The following GATAD2A variants were observed in gnomAD, a reference collection of about 807,000 sequenced individuals.
GATAD2A encodes the protein GATA zinc finger domain containing 2A.
GATAD2A carries 12 observed loss-of-function variants against 68.5 expected under a neutral mutation model. The observed-to-expected ratio is 0.18, with a 90% confidence interval of 0.11 to 0.28. The LOEUF (loss-of-function observed/expected upper bound fraction) is 0.28. Among genes scored for constraint, GATAD2A ranks in the 10% least tolerant of loss-of-function variants. GATAD2A has a pLI of 1.00. For synonymous variants in GATAD2A, 410 were observed against 375.3 expected, an observed-to-expected ratio of 1.09 and a Z score of -1.07; for missense variants, 755 against 868.5, an observed-to-expected ratio of 0.87 and a Z score of 1.64.
intron 1 of GATAD2A, among the ~76,000 whole-genome samples, chr19:19,448,339 C>T (rs1216861106): frequency 6.6e-6 from 1 of 152,250 alleles, no homozygotes; most frequent in African/African-American, 2.4e-5. Flanking sequence ...TGGGCACAGG[C>T]CCTGGCCAAC....
At chr19:19,395,743 A>G (rs1442367003) in intron 1 of GATAD2A, among the ~76,000 whole-genome samples, 2 of 152,172 alleles carry the variant, frequency 1.3e-5, no homozygotes, top group Non-Finnish European at 2.9e-5. Flanking sequence ...GTGTTCTTGA[A>G]GAATCGTTTG....
chr19:19,415,093 TC>T (rs1185035522), intron 1 of GATAD2A, among the ~76,000 whole-genome samples: 1 of 42,958 alleles, frequency 2.3e-5, no homozygotes, highest in Admixed American at 3.3e-4. Context: ...CCCGCCCCCC[TC>T]CCCCCAAAAA....
At chr19:19,398,629 G>A (rs940713311) in intron 1 of GATAD2A, among the ~76,000 whole-genome samples, 2 of 151,280 alleles carry the variant, frequency 1.3e-5, no homozygotes, top group Non-Finnish European at 2.9e-5. Context: ...CACTGTGCCC[G>A]GCCTAGAACA....
In GATAD2A at chr19:19,506,343, G is replaced by GC. The variant is rs1377850054; in HGVS notation, c.*870dup. The stretch of plus-strand genomic sequence containing the variant: ...AGGATCCGGTCGGCAGCAGCCCTGA[G>GC]CAGAAAGCTGGAGGGGGGACTGTCG... On this transcript the variant is annotated 3_prime_UTR_variant, in exon 12 of 12. Transcript: ENST00000683918. 1 of 397,124 alleles carries GC rather than the reference G, an allele frequency of 2.5e-6. No homozygotes were observed. Among genetic ancestry groups the GC allele is most frequent in the Non-Finnish European group, 4.4e-6 (1 of 225,492 alleles). The allele number at this position is 397,124 out of a possible 1,614,324, so 24.6% of individuals were successfully genotyped here.
Position 19,465,896 on chromosome 19 carries a change from C to T in GATAD2A, c.269+282C>T, listed in dbSNP as rs78621165. On this transcript the variant is annotated intron_variant, in intron 2 of 11. Transcript: ENST00000683918. ...GCCATCAGTAGGCCTTTGCCACCCACGCACCTGCTGTCTGTCCAACTCGGT... is the reference window on the plus strand; with the variant it reads ...GCCATCAGTAGGCCTTTGCCACCCATGCACCTGCTGTCTGTCCAACTCGGT... 6.0e-3 allele frequency among the ~76,000 whole-genome samples: 919 copies of T among 152,358 alleles called. 8 individuals are homozygous for T. The highest frequency in any genetic ancestry group is 0.021 in the African/African-American group (880 of 41,574).
chr19:19,504,904 C>CA (rs943150920), intron 11 of GATAD2A, among the ~76,000 whole-genome samples: 31 of 152,274 alleles, frequency 2.0e-4, no homozygotes, highest in Non-Finnish European at 4.3e-4. Context: ...CCCAGCCTCT[C>CA]AAAGTGCTGG....
intron 1 of GATAD2A, among the ~76,000 whole-genome samples, chr19:19,408,527 G>A (rs755911197): frequency 1.2e-4 from 18 of 151,754 alleles, no homozygotes; most frequent in Non-Finnish European, 2.2e-4. Context: ...TCTGTATTTT[G>A]CGTGTGTGTG....
chr19:19,397,116 G>A (rs555440218), intron 1 of GATAD2A, among the ~76,000 whole-genome samples: 1 of 152,232 alleles, frequency 6.6e-6, no homozygotes, highest in Non-Finnish European at 1.5e-5. Flanking sequence ...AGGAGGTTAT[G>A]CTCTTCTAAA....
At chr19:19,407,827 G>C (rs1044991681) in intron 1 of GATAD2A, among the ~76,000 whole-genome samples, 2 of 152,182 alleles carry the variant, frequency 1.3e-5, no homozygotes, top group African/African-American at 4.8e-5. Flanking sequence ...ACAGTTTATA[G>C]GATGTGGGAA....
intron 2 of GATAD2A, among the ~76,000 whole-genome samples, chr19:19,468,965 AAT>A (rs2058069560): frequency 6.6e-6 from 1 of 152,246 alleles, no homozygotes; most frequent in African/African-American, 2.4e-5. Flanking sequence ...CCACAGATAA[AAT>A]ATATGTCATA....
chr19:19,500,091 A>C (rs1000672763), intron 8 of GATAD2A, among the ~76,000 whole-genome samples: 1 of 152,192 alleles, frequency 6.6e-6, no homozygotes, highest in East Asian at 1.9e-4. Flanking sequence ...TTCCCTCATC[A>C]GGGCTCAGTC....
intron 1 of GATAD2A, among the ~76,000 whole-genome samples, chr19:19,455,883 G>C (rs1332191631): frequency 2.0e-5 from 3 of 152,190 alleles, no homozygotes; most frequent in Non-Finnish European, 4.4e-5. Flanking sequence ...AGGCGTGGTG[G>C]CTTACGCCTG....
chr19:19,487,005 G>T (rs2059483802), intron 2 of GATAD2A, among the ~76,000 whole-genome samples: 2 of 152,216 alleles, frequency 1.3e-5, no homozygotes, highest in South Asian at 4.1e-4. Context: ...GGCAAGGGTG[G>T]CCAGTGAGCT....
intron 1 of GATAD2A, chr19:19,428,024 G>A (rs1163446911): frequency 6.6e-6 from 1 of 152,148 alleles, no homozygotes; most frequent in African/African-American, 2.4e-5. Context: ...CTGTTTGTCA[G>A]TGAGTTTCCT....
intron 1 of GATAD2A, chr19:19,440,315 G>C (rs768984303): frequency 4.8e-6 from 1 of 208,924 alleles, no homozygotes; most frequent in Non-Finnish European, 9.3e-6. Flanking sequence ...CTGTCGCCCA[G>C]GCTGGAGTGG....
chr19:19,447,156 A>G (rs76761722), intron 1 of GATAD2A, among the ~76,000 whole-genome samples: 2,615 of 152,280 alleles, frequency 0.017, 50 homozygotes, highest in Non-Finnish European at 0.024. Context: ...GAAAGGGGAT[A>G]GAGACCCCCT....
In GATAD2A at chr19:19,480,735, A is replaced by T. The variant is rs2059000271; in HGVS notation, c.270-11571A>T. 2.0e-5 allele frequency among the ~76,000 whole-genome samples: 3 copies of T among 152,208 alleles called. No individual in the cohort carries two copies. The South Asian group carries it at 6.2e-4, about 31-fold the overall frequency. The stretch of plus-strand genomic sequence containing the variant: ...GTCGCCCCAACACCTGCAGAGGTGC[A>T]CCCAGCCCCCTCAGTGGTCCTCGTG... On this transcript the variant is annotated intron_variant, in intron 2 of 11. Transcript: ENST00000683918.
chr19:19,460,323 C>T (rs569253194), intron 1 of GATAD2A, among the ~76,000 whole-genome samples: 2 of 152,210 alleles, frequency 1.3e-5, no homozygotes, highest in Non-Finnish European at 2.9e-5. Context: ...GCCACAGGGG[C>T]GCTCTGGAGG....
In GATAD2A at chr19:19,506,030, C is replaced by T. The variant is rs987003732; in HGVS notation, c.*556C>T. The T allele has an allele frequency of 4.5e-5, 18 of 398,740 alleles. No homozygotes were observed. Among genetic ancestry groups the T allele is most frequent in the African/African-American group, 1.4e-4 (7 of 48,558 alleles). 24.7% of individuals were successfully genotyped at this position (398,740 alleles called of 1,614,324 possible). Reference sequence around the variant, plus strand: ...GGAGTTAAAAGTAAACCGTGCAGACCCTGGGGTCCCTGTTGTACGCTGCAT... The same window carrying T: ...GGAGTTAAAAGTAAACCGTGCAGACTCTGGGGTCCCTGTTGTACGCTGCAT... On this transcript the variant is annotated 3_prime_UTR_variant, in exon 12 of 12. Coordinates refer to ENST00000683918, the MANE Select transcript of GATAD2A (RefSeq NM_001384528.1).
Sources: gnomAD v4.1 joint callset for allele counts (sites outside exome capture counted in the v4.1 genomes callset) on GRCh38, gnomAD v4.1.1 for gene constraint, MANE v1.5 for transcripts, NCBI Gene and HGNC (gene_info 2026-07-23, HGNC 2026-07-21) for gene names.